The following ZC3H14 variants were observed in gnomAD, a reference collection of about 807,000 sequenced individuals.
ZC3H14 encodes zinc finger CCCH domain-containing protein 14.
ZC3H14 carries 31 observed loss-of-function variants against 92.4 expected under a neutral mutation model. That is an observed-to-expected ratio of 0.34 (90% CI 0.25 to 0.45). The LOEUF (loss-of-function observed/expected upper bound fraction) is 0.45, where lower values mean the gene tolerates loss of function less well. ZC3H14 is among the 20% of genes least tolerant of loss of function. The pLI is 1.00. For synonymous variants in ZC3H14, 321 were observed against 300.9 expected (o/e 1.07, Z -0.69); for missense variants, 781 against 897.3 (o/e 0.87, Z 1.66).
At chr14:88,568,624 T>G (rs1319627558) in intron 3 of ZC3H14, among the ~76,000 whole-genome samples, 1 of 152,138 alleles carries the variant, frequency 6.6e-6, no homozygotes, top group Non-Finnish European at 1.5e-5. Context: ...GGGATTACAA[T>G]TCAATATAAG....
chr14:88,610,663 G>A (rs1454816824), intron 15 of ZC3H14, among the ~76,000 whole-genome samples, 171 bp from the exon 16 acceptor site: 12 of 139,312 alleles, frequency 8.6e-5, no homozygotes, highest in African/African-American at 3.1e-4. Flanking sequence ...AAAAAAACAG[G>A]CTTGGTAGCA....
intron 4 of ZC3H14, 50 bp from the exon 5 acceptor site, chr14:88,571,980 T>A: frequency 7.3e-7 from 1 of 1,378,452 alleles, no homozygotes; most frequent in South Asian, 1.6e-5. Flanking sequence ...AATAAATAAA[T>A]AAAAATAAGA....
chr14:88,574,705 C>A lies in ZC3H14; in HGVS notation c.874C>A (p.Arg292=), dbSNP rs764833850. 4 of 1,613,684 alleles carry A rather than the reference C, an allele frequency of 2.5e-6. No homozygotes were observed. In the African/African-American group the frequency reaches 4.0e-5, roughly 16 times the overall value. The change falls in exon 7 of 17, where the codon CGG becomes AGG. Residue 292 remains arginine (R), a synonymous_variant. Transcript: ENST00000251038. ...TATCTGATTGCAGGATGAAAACTTTCGGAAGAGAAAGTTGCCTGTGGTAAG... is the reference window on the plus strand; with the variant it reads ...TATCTGATTGCAGGATGAAAACTTTAGGAAGAGAAAGTTGCCTGTGGTAAG... ...EKMSMEDENF[R]KRKLPVVSSV... is the part of the protein sequence containing the mutation.
chr14:88,595,967 G>A (rs1407262986), intron 9 of ZC3H14, among the ~76,000 whole-genome samples: 7 of 152,196 alleles, frequency 4.6e-5, no homozygotes, highest in Admixed American at 3.9e-4. Context: ...ACAGAAAAGT[G>A]TGACATTCTC....
chr14:88,590,343 TCA>T (rs954714904), intron 9 of ZC3H14: 4 of 152,802 alleles, frequency 2.6e-5, no homozygotes, highest in African/African-American at 9.6e-5. Context: ...ACACTGTAAG[TCA>T]CAGTGTTCTG....
At chr14:88,583,143 T>A (rs55678611) in intron 9 of ZC3H14, among the ~76,000 whole-genome samples, 2,081 of 151,426 alleles carry the variant, frequency 0.014, 21 homozygotes, top group African/African-American at 0.032. Context: ...TTTTATTTTT[T>A]TTTTTTAAGA....
intron 2 of ZC3H14, chr14:88,567,731 G>A: frequency 2.7e-6 from 1 of 375,766 alleles, no homozygotes. Context: ...TTTCCCATAA[G>A]CTTCTTTGAA....
intron 4 of ZC3H14, among the ~76,000 whole-genome samples, chr14:88,571,543 A>G (rs769782159): frequency 1.6e-4 from 25 of 152,246 alleles, no homozygotes; most frequent in Non-Finnish European, 3.4e-4. Context: ...AAAAATGTGT[A>G]TATATGCTCT....
At position 88,574,836 on chromosome 14, in the gene ZC3H14, T is replaced by C. The variant is rs766353758; in HGVS notation, c.1005T>C (p.Pro335=). 6 of 1,614,078 alleles carry C rather than the reference T, an allele frequency of 3.7e-6. No individual in the cohort carries two copies. In the African/African-American group the frequency reaches 8.0e-5, roughly 22 times the overall value. Residue 335 remains proline, a synonymous_variant, in exon 7 of 17, where the codon CCT becomes CCC. Coordinates refer to ENST00000251038, the MANE Select transcript of ZC3H14 (RefSeq NM_024824.5). ...TGSISSSVSV[P]AKPERRPSLP... ...GCATCTCCAGCAGTGTGTCTGTGCC[T>C]GCAAAGCCTGAAAGGAGGTACCTTG...
In ZC3H14 at chr14:88,575,896, C is replaced by A; in HGVS notation, c.1079C>A (p.Ser360Tyr). The A allele has an allele frequency of 1.2e-6, 2 of 1,613,916 alleles. No individual in the cohort carries two copies. Among genetic ancestry groups the A allele is most frequent in the Non-Finnish European group, 1.7e-6 (2 of 1,179,910 alleles). ...AAGAATCTGATTTTGAAGGCTATAT[C>A]TGAAGCTCAAGAATCCGTAACAAAA... ...ANKNLILKAI[S>Y]EAQESVTKTT... Residue 360 changes from serine (S) to tyrosine (Y), a missense_variant, in exon 8 of 17, where the codon TCT becomes TAT. Ser to Tyr is a moderately radical substitution (Grantham distance 144, BLOSUM62 -2). Around this residue, in one of 3 missense-constraint regions of ZC3H14, gnomAD observed 454 missense variants for 438.5 expected, o/e 1.04. Transcript: ENST00000251038.
chr14:88,609,969 G>A (rs2086282845), intron 15 of ZC3H14, among the ~76,000 whole-genome samples, 166 bp downstream of exon 15: 1 of 152,112 alleles, frequency 6.6e-6, no homozygotes, highest in African/African-American at 2.4e-5. Flanking sequence ...GGCCCCTTAG[G>A]CCAAGTGGTC....
At position 88,619,020 on chromosome 14, in the gene ZC3H14, A is replaced by AT; in HGVS notation, c.*7272dup. 1 of 411,390 alleles carries AT rather than the reference A, an allele frequency of 2.4e-6. No homozygotes were observed. Among genetic ancestry groups the AT allele is most frequent in the South Asian group, 6.9e-5 (1 of 14,542 alleles). 25.5% of individuals were successfully genotyped at this position (411,390 alleles called of 1,614,324 possible). A position where few individuals can be genotyped will look rare whatever the true frequency, so the allele number is the denominator to read the frequency against. On this transcript the variant is annotated 3_prime_UTR_variant, in exon 17 of 17. Transcript: ENST00000251038. The stretch of plus-strand genomic sequence containing the variant: ...TTTATATTTTACTTAAATTTTAAAT[A>AT]TTTCCCCAATTGTCATCTCCCAATT...
rs552880792 is a variant in ZC3H14 at position 88,604,839 on chromosome 14, C to T, written c.1747+1779C>T. On this transcript the variant is annotated intron_variant, in intron 12 of 16. Coordinates refer to ENST00000251038, the MANE Select transcript of ZC3H14 (RefSeq NM_024824.5). ...CAACTCCTGACCTCAAGTGATCCAC[C>T]AACCTCGGCCTCCCAAAGTTCTGGG... 3.0e-3 allele frequency among the ~76,000 whole-genome samples: 463 copies of T among 152,266 alleles called. 3 individuals carry two copies. Among genetic ancestry groups the T allele is most frequent in the Non-Finnish European group, 5.3e-3 (359 of 68,024 alleles).
rs2140205206 is a variant in ZC3H14 at position 88,614,860 on chromosome 14, TC to T, written c.*3112del. 6.6e-6 allele frequency: 1 copy of T among 152,258 alleles called. No homozygotes were observed. The highest frequency in any genetic ancestry group is 2.4e-5 in the African/African-American group (1 of 41,542). 9.4% of individuals were successfully genotyped at this position (152,258 alleles called of 1,614,324 possible). ...GAGTGGCACACATCTAAACAAATTT[TC>T]CCAATAGAAAAAAGGCTATAAAAAT... On this transcript the variant is annotated 3_prime_UTR_variant, in exon 17 of 17. Coordinates refer to ENST00000251038, the MANE Select transcript of ZC3H14 (RefSeq NM_024824.5).
Position 88,624,963 on chromosome 14 carries a change from G to T in ZC3H14, c.*13212G>T. 1.2e-6 allele frequency: 2 copies of T among 1,612,294 alleles called. No homozygotes were observed. ...ATAAATATTCTGTGAAAAGAAAGAG[G>T]ACTCACGGCCTTTCCTTTCCCCCAG... On this transcript the variant is annotated 3_prime_UTR_variant, in exon 17 of 17. Coordinates refer to ENST00000251038, the MANE Select transcript of ZC3H14 (RefSeq NM_024824.5).
rs202219874 is a variant in ZC3H14, at chr14:88,578,794, T to G, written c.1279+654T>G. ...GTTTGCTTCCAGGTTTTTTTTTTTTTTTTTTTTTTTTGCTTTTTTCTCAGC... is the reference window on the plus strand; with the variant it reads ...GTTTGCTTCCAGGTTTTTTTTTTTTGTTTTTTTTTTTGCTTTTTTCTCAGC... On this transcript the variant is annotated intron_variant, in intron 9 of 16. Transcript: ENST00000251038. 0.019 allele frequency among the ~76,000 whole-genome samples: 2,758 copies of G among 147,326 alleles called. 139 individuals carry two copies. The East Asian group carries it at 0.23, about 12-fold the overall frequency.
At position 88,563,159 on chromosome 14, in the gene ZC3H14, G is replaced by A; in HGVS notation, c.26G>A (p.Arg9His). The stretch of plus-strand genomic sequence containing the variant: ...ATGGAGATCGGCACCGAGATCAGCC[G>A]CAAGATCCGGGTGAGGCCCGTGCCG... MEIGTEIS[R>H]KIRSAIKGKL... The change falls in exon 1 of 17, where the codon CGC becomes CAC. Residue 9 changes from arginine to histidine, a missense_variant. Physicochemically the swap from Arg to His is conservative, Grantham distance 29 (BLOSUM62 0). Transcript: ENST00000251038. The A allele has an allele frequency of 6.2e-7, 1 of 1,603,552 alleles. No individual in the cohort carries two copies.
At chr14:88,564,851 G>T (rs1182473304) in intron 2 of ZC3H14, among the ~76,000 whole-genome samples, 1 of 152,162 alleles carries the variant, frequency 6.6e-6, no homozygotes, top group Non-Finnish European at 1.5e-5. Context: ...AAATACGATT[G>T]TTCTGAGGAA....
chr14:88,575,799 A>G, intron 7 of ZC3H14, 41 bp from the exon 8 acceptor site: 1 of 1,549,172 alleles, frequency 6.5e-7, no homozygotes, highest in South Asian at 1.1e-5. Context: ...GAGGAACTGA[A>G]ATTTAAAGTT....
Sources: allele counts gnomAD v4.1 joint callset (sites outside exome capture counted in the v4.1 genomes callset), GRCh38; gene constraint gnomAD v4.1.1; regional missense constraint gnomAD v4.1.1; transcripts MANE v1.5; gene names NCBI Gene and HGNC (gene_info 2026-07-23, HGNC 2026-07-21).